Variants in ATRNL1 observed in about 807,000 individuals in gnomAD.
ATRNL1 encodes the protein attractin-like protein 1.
ATRNL1 carries 95 observed loss-of-function variants against 182.7 expected under a neutral mutation model. That is an observed-to-expected ratio of 0.52 (90% CI 0.44 to 0.62). ATRNL1 has a LOEUF of 0.62. Among genes scored for constraint, ATRNL1 ranks in the 20% least tolerant of loss-of-function variants. ATRNL1 has a pLI of 0.00. For missense variants in ATRNL1, 1,471 were observed against 1,679.5 expected, an observed-to-expected ratio of 0.88 and a Z score of 2.17; for synonymous variants, 576 against 568.3, an observed-to-expected ratio of 1.01 and a Z score of -0.19.
At chr10:115,221,278 T>C (rs542727438) in intron 9 of ATRNL1, among the ~76,000 whole-genome samples, 2 of 152,288 alleles carry the variant, frequency 1.3e-5, no homozygotes, top group Admixed American at 6.5e-5. Context: ...GGGATTATAT[T>C]GTATAGGATG....
At chr10:115,798,065 C>T (rs1223752226) in intron 27 of ATRNL1, among the ~76,000 whole-genome samples, 1 of 152,132 alleles carries the variant, frequency 6.6e-6, no homozygotes, top group Non-Finnish European at 1.5e-5. Context: ...CTACAGGCAC[C>T]TGCCACCACG....
chr10:115,668,229 C>A lies in ATRNL1; in HGVS notation c.3796-59019C>A, dbSNP rs377267596. On this transcript the variant is annotated intron_variant, in intron 26 of 28. Coordinates refer to ENST00000355044, the MANE Select transcript of ATRNL1 (RefSeq NM_207303.4). Reference sequence around the variant, plus strand: ...TCCCCGGTTCTTACGAATCCCTACACACTGAATTACACCTTGTGAATTTCC... The same window carrying A: ...TCCCCGGTTCTTACGAATCCCTACAAACTGAATTACACCTTGTGAATTTCC... 4.6e-5 allele frequency among the ~76,000 whole-genome samples: 7 copies of A among 152,254 alleles called. No individual in the cohort carries two copies. In the East Asian group the frequency reaches 9.7e-4, roughly 21 times the overall value.
intron 26 of ATRNL1, among the ~76,000 whole-genome samples, chr10:115,678,785 A>G (rs1042150141): frequency 2.0e-5 from 3 of 152,126 alleles, no homozygotes; most frequent in African/African-American, 7.2e-5. Flanking sequence ...GGGAGAACAA[A>G]CCAAAAGTCC....
intron 28 of ATRNL1, among the ~76,000 whole-genome samples, chr10:115,862,152 A>G (rs1273509862): frequency 1.3e-5 from 2 of 152,152 alleles, no homozygotes; most frequent in African/African-American, 4.8e-5. Flanking sequence ...TTTAGATCAC[A>G]GTTGTTCTTT....
intron 28 of ATRNL1, among the ~76,000 whole-genome samples, chr10:115,882,290 G>A (rs371510428): frequency 1.3e-3 from 194 of 152,276 alleles, no homozygotes; most frequent in African/African-American, 4.3e-3. Context: ...GGGGTGTGGC[G>A]GGCTTTGGGA....
chr10:115,332,739 T>C (rs1033018059), intron 18 of ATRNL1, among the ~76,000 whole-genome samples: 1 of 152,234 alleles, frequency 6.6e-6, no homozygotes, highest in Non-Finnish European at 1.5e-5. Flanking sequence ...TTCATTTTGA[T>C]GATCCTATGC....
intron 21 of ATRNL1, among the ~76,000 whole-genome samples, chr10:115,437,712 A>G (rs1846469306): frequency 1.3e-5 from 2 of 152,182 alleles, no homozygotes; most frequent in South Asian, 4.1e-4. Flanking sequence ...TAACAAACAT[A>G]TGAATATAAA....
intron 24 of ATRNL1, among the ~76,000 whole-genome samples, chr10:115,506,513 A>T (rs945236570): frequency 6.6e-6 from 1 of 151,952 alleles, no homozygotes; most frequent in African/African-American, 2.4e-5. Context: ...ACCAGCCTAG[A>T]AGCTGGAAAA....
chr10:115,219,945 A>T (rs540779662), intron 9 of ATRNL1, among the ~76,000 whole-genome samples: 11 of 152,236 alleles, frequency 7.2e-5, no homozygotes, highest in African/African-American at 2.4e-4. Flanking sequence ...TGCACATAAC[A>T]TATCCTCGTG....
chr10:115,380,358 AAATAT>A (rs1411575750), intron 19 of ATRNL1, among the ~76,000 whole-genome samples: 4 of 152,196 alleles, frequency 2.6e-5, no homozygotes, highest in Non-Finnish European at 5.9e-5. Context: ...ATCTCTGTTA[AAATAT>A]AATTCATACA....
chr10:115,292,338 C>T (rs968679241), intron 15 of ATRNL1, among the ~76,000 whole-genome samples: 1 of 151,378 alleles, frequency 6.6e-6, no homozygotes, highest in African/African-American at 2.4e-5. Flanking sequence ...TTATTTTAGT[C>T]CTGATTTCAT....
At chr10:115,362,429 C>A (rs974187812) in intron 19 of ATRNL1, among the ~76,000 whole-genome samples, 22 of 151,446 alleles carry the variant, frequency 1.5e-4, no homozygotes, top group African/African-American at 4.9e-4. Context: ...CTTAAATTAA[C>A]TTAACATATT....
chr10:115,860,739 C>T (rs1052142068), intron 28 of ATRNL1, among the ~76,000 whole-genome samples: 8 of 152,124 alleles, frequency 5.3e-5, no homozygotes, highest in Admixed American at 5.2e-4. Context: ...TGATAACTTC[C>T]GGGACTAATT....
intron 28 of ATRNL1, among the ~76,000 whole-genome samples, chr10:115,866,935 T>C (rs1311763641): frequency 6.6e-6 from 1 of 152,194 alleles, no homozygotes; most frequent in Non-Finnish European, 1.5e-5. Flanking sequence ...CACCAGCAGC[T>C]TAAGAAGGGA....
chr10:115,392,447 A>T (rs1436722506), intron 19 of ATRNL1, among the ~76,000 whole-genome samples: 17 of 152,188 alleles, frequency 1.1e-4, no homozygotes, highest in African/African-American at 4.1e-4. Context: ...TAAATAATTA[A>T]ACTTGTCTAG....
intron 13 of ATRNL1, among the ~76,000 whole-genome samples, chr10:115,275,149 G>A (rs1852048352): frequency 6.6e-6 from 1 of 152,282 alleles, no homozygotes; most frequent in East Asian, 1.9e-4. Context: ...CACTCCACAG[G>A]TCAAGGAACC....
chr10:115,362,047 G>A lies in ATRNL1; in HGVS notation c.3175+27628G>A, dbSNP rs55865822. Among the ~76,000 whole-genome samples the A allele has an allele frequency of 6.3e-3, 959 of 152,018 alleles. 3 individuals are homozygous for A. Among genetic ancestry groups the A allele is most frequent in the Non-Finnish European group, 9.6e-3 (654 of 67,948 alleles). On this transcript the variant is annotated intron_variant, in intron 19 of 28. Coordinates refer to ENST00000355044, the MANE Select transcript of ATRNL1 (RefSeq NM_207303.4). Reference sequence around the variant, plus strand: ...TAAATAAACAAAGTAATCTGATTAAGTCATATGGCCTTTTCTAAATTGCAA... The same window carrying A: ...TAAATAAACAAAGTAATCTGATTAAATCATATGGCCTTTTCTAAATTGCAA...
chr10:115,248,638 A>G (rs1243234111), intron 10 of ATRNL1, among the ~76,000 whole-genome samples: 2 of 152,182 alleles, frequency 1.3e-5, no homozygotes, highest in Non-Finnish European at 2.9e-5. Flanking sequence ...ATATTTATTT[A>G]ATGAATGCCA....
intron 18 of ATRNL1, among the ~76,000 whole-genome samples, chr10:115,328,659 A>G (rs984553693): frequency 1.3e-5 from 2 of 152,148 alleles, no homozygotes; most frequent in Admixed American, 6.6e-5. Context: ...AAGATACCAT[A>G]TATGACTGAG....
Sources: allele counts gnomAD v4.1 joint callset (sites outside exome capture counted in the v4.1 genomes callset), GRCh38; gene constraint gnomAD v4.1.1; transcripts MANE v1.5; gene names NCBI Gene and HGNC (gene_info 2026-07-23, HGNC 2026-07-21).